CUBN: variants seen among roughly 807,000 people sequenced by gnomAD.
The protein encoded by CUBN is cubilin, also known as 460 kDa receptor.
Under a neutral mutation model 405.3 loss-of-function variants are expected in CUBN, and 282 were observed. The ratio of observed to expected loss-of-function variants is 0.70; its 90% CI spans 0.63 to 0.77. The LOEUF (loss-of-function observed/expected upper bound fraction) is 0.77. Ranked by LOEUF, CUBN falls within the 30% of genes least tolerant of loss-of-function variation. The pLI, the probability that CUBN is intolerant of heterozygous loss-of-function variation, is 0.00. For synonymous variants in CUBN, 1,684 were observed against 1,617.0 expected, an observed-to-expected ratio of 1.04 and a Z score of -0.99; for missense variants, 4,514 against 4,475.2, an observed-to-expected ratio of 1.01 and a Z score of -0.25.
intron 15 of CUBN, among the ~76,000 whole-genome samples, 190 bp downstream of exon 15, chr10:17,087,974 C>A (rs1836161128): frequency 1.3e-5 from 2 of 151,974 alleles, no homozygotes; most frequent in Admixed American, 1.3e-4. Context: ...TCAAATGGAA[C>A]CCAGAAGAAG....
intron 59 of CUBN, among the ~76,000 whole-genome samples, chr10:16,868,447 T>A (rs1202676717): frequency 6.6e-6 from 1 of 152,220 alleles, no homozygotes; most frequent in Non-Finnish European, 1.5e-5. Flanking sequence ...TGGATTTTTC[T>A]GAGTCTTCAC....
At chr10:16,993,805 G>C (rs1833658423) in intron 28 of CUBN, among the ~76,000 whole-genome samples, 1 of 151,800 alleles carries the variant, frequency 6.6e-6, no homozygotes, top group Non-Finnish European at 1.5e-5. Context: ...ATGCCCAGCT[G>C]AGAAATTTCA....
Position 16,884,680 on chromosome 10 carries a change from G to A in CUBN, c.8905+3737C>T, listed in dbSNP as rs565831482. Among the ~76,000 whole-genome samples the A allele has an allele frequency of 2.6e-4, 40 of 152,052 alleles. 1 individual carries two copies. The South Asian group carries it at 7.0e-3, about 27-fold the overall frequency. ...TGAGCCTTTGTAACCTAAGAGTTGAGTGTGGTTCAACAATCTGTATTTTTC... is the reference window on the plus strand; with the variant it reads ...TGAGCCTTTGTAACCTAAGAGTTGAATGTGGTTCAACAATCTGTATTTTTC... On this transcript the variant is annotated intron_variant, in intron 56 of 66. Coordinates refer to ENST00000377833, the MANE Select transcript of CUBN (RefSeq NM_001081.4).
At chr10:17,018,245 G>A (rs563768327) in intron 28 of CUBN, among the ~76,000 whole-genome samples, 10 of 152,302 alleles carry the variant, frequency 6.6e-5, no homozygotes, top group South Asian at 2.1e-4. Flanking sequence ...AATAGCAAGC[G>A]AAAGGGGTCC....
intron 31 of CUBN, among the ~76,000 whole-genome samples, chr10:16,974,652 T>A (rs897912830): frequency 6.6e-6 from 1 of 152,166 alleles, no homozygotes; most frequent in South Asian, 2.1e-4. Context: ...ATTACAGGCG[T>A]GAGCCACCGC....
chr10:16,938,084 CCAGG>C (rs1842566027), intron 38 of CUBN, among the ~76,000 whole-genome samples: 1 of 151,950 alleles, frequency 6.6e-6, no homozygotes, highest in East Asian at 1.9e-4. Flanking sequence ...AAAATAGGAA[CCAGG>C]ATGGTTGCCT....
chr10:17,051,319 C>T (rs980192012), intron 22 of CUBN, among the ~76,000 whole-genome samples: 6 of 151,974 alleles, frequency 3.9e-5, no homozygotes, highest in Non-Finnish European at 5.9e-5. Context: ...CGAGATCATG[C>T]CACTGCACTC....
chr10:16,913,542 G>A (rs1363232337), intron 48 of CUBN, among the ~76,000 whole-genome samples: 3 of 152,124 alleles, frequency 2.0e-5, no homozygotes, highest in Admixed American at 1.3e-4. Flanking sequence ...CAGCCTCTCC[G>A]GTTTTGCCAT....
intron 33 of CUBN, among the ~76,000 whole-genome samples, chr10:16,951,350 C>T (rs1588512710): frequency 6.6e-6 from 1 of 152,310 alleles, no homozygotes; most frequent in Middle Eastern, 3.4e-3. Flanking sequence ...GGGGAAAGTG[C>T]TAGAGAATAT....
intron 22 of CUBN, among the ~76,000 whole-genome samples, chr10:17,054,839 T>C (rs981826132): frequency 3.9e-5 from 6 of 152,066 alleles, no homozygotes; most frequent in African/African-American, 1.4e-4. Flanking sequence ...CAAAGAAAAC[T>C]ACAGGCTCAA....
At chr10:16,837,638 G>A (rs974653220) in intron 62 of CUBN, among the ~76,000 whole-genome samples, 3 of 151,908 alleles carry the variant, frequency 2.0e-5, no homozygotes, top group Admixed American at 6.6e-5. Context: ...TCCAGTGCCA[G>A]CTAACCACTG....
intron 8 of CUBN, among the ~76,000 whole-genome samples, chr10:17,113,614 G>C (rs1277591415): frequency 6.6e-6 from 1 of 152,168 alleles, no homozygotes; most frequent in Non-Finnish European, 1.5e-5. Flanking sequence ...AAGGCCGCAA[G>C]ATACTCTAAT....
intron 27 of CUBN, among the ~76,000 whole-genome samples, chr10:17,036,636 GA>G (rs1315062315): frequency 1.3e-5 from 2 of 152,074 alleles, no homozygotes; most frequent in Non-Finnish European, 2.9e-5. Context: ...CAGCTTCCAA[GA>G]TGGGGAAAGA....
intron 31 of CUBN, among the ~76,000 whole-genome samples, chr10:16,967,922 A>G (rs1843446781): frequency 7.1e-6 from 1 of 141,834 alleles, no homozygotes; most frequent in South Asian, 2.3e-4. Flanking sequence ...AAAGAGGAAG[A>G]GAGGGAGAGA....
chr10:17,032,106 G>A (rs2131805066), intron 27 of CUBN, among the ~76,000 whole-genome samples: 1 of 152,280 alleles, frequency 6.6e-6, no homozygotes, highest in Non-Finnish European at 1.5e-5. Flanking sequence ...AACTGGCAGG[G>A]CACAAGGAAT....
intron 28 of CUBN, 126 bp downstream of exon 28, chr10:17,019,707 G>A: frequency 9.0e-7 from 1 of 1,114,684 alleles, no homozygotes. Context: ...TTAAACCCTT[G>A]CATGAGATTA....
intron 57 of CUBN, among the ~76,000 whole-genome samples, chr10:16,875,440 C>T (rs925405676): frequency 1.3e-5 from 2 of 152,140 alleles, no homozygotes; most frequent in Admixed American, 6.5e-5. Context: ...TCAGTGGACA[C>T]GTTCCACTTT....
At chr10:16,828,470 C>T (rs1191085032) in intron 66 of CUBN, among the ~76,000 whole-genome samples, 1 of 152,208 alleles carries the variant, frequency 6.6e-6, no homozygotes, top group African/African-American at 2.4e-5. Flanking sequence ...GTAATCCCAA[C>T]ACTTTCGGAG....
rs1840294114 is a variant in CUBN, at chr10:16,869,729, C to T, written c.9361G>A (p.Val3121Met). ...AGCATACTATTATTGCTGCTCTTCA[C>T]ATTTGGTGGGCGCTTGGAACCGCAG... ...KFCGSKRPPN[V>M]KSSNNSMLLV... The change falls in exon 59 of 67, where the codon GTG (valine) becomes ATG (methionine). Residue 3121 changes from valine to methionine, a missense_variant. Val to Met is a conservative substitution (Grantham distance 21). Around this residue, in one of 5 missense-constraint regions of CUBN, gnomAD observed 1,186 missense variants for 1,186.9 expected, o/e 1.00. Transcript: ENST00000377833. 1 of 1,614,122 alleles carries T rather than the reference C, an allele frequency of 6.2e-7. No homozygotes were observed.
Sources: allele counts gnomAD v4.1 joint callset (sites outside exome capture counted in the v4.1 genomes callset), GRCh38; gene constraint gnomAD v4.1.1; regional missense constraint gnomAD v4.1.1; transcripts MANE v1.5; gene names NCBI Gene and HGNC (gene_info 2026-07-23, HGNC 2026-07-21).